The following PIK3CD variants were observed in gnomAD, a reference collection of about 807,000 sequenced individuals.
PIK3CD encodes the protein phosphatidylinositol-4,5-bisphosphate 3-kinase catalytic subunit delta, also known as phosphatidylinositol 4,5-bisphosphate 3-kinase catalytic subunit delta isoform.
In PIK3CD, 20 loss-of-function variants were observed where a neutral mutation model predicts 122.9. The observed-to-expected ratio is 0.16, with a 90% CI of 0.11 to 0.24. The LOEUF (loss-of-function observed/expected upper bound fraction) is 0.24. Among genes scored for constraint, PIK3CD ranks in the 10% least tolerant of loss-of-function variants. PIK3CD has a pLI of 1.00. For missense variants in PIK3CD, 787 were observed against 1,406.3 expected (o/e 0.56, Z 7.04); for synonymous variants, 596 against 593.4 (o/e 1.00, Z -0.06).
In PIK3CD at chr1:9,670,352, T is replaced by A. The variant is rs545907417; in HGVS notation, c.-138+18550T>A. On this transcript the variant is annotated intron_variant, in intron 1 of 23. Coordinates refer to ENST00000377346, the MANE Select transcript of PIK3CD (RefSeq NM_005026.5). ...GCTGTCATTTGGAAACCGGTGATGATGTGTGGTCTATTTGTAAATTGAGTG... is the reference window on the plus strand; with the variant it reads ...GCTGTCATTTGGAAACCGGTGATGAAGTGTGGTCTATTTGTAAATTGAGTG... Among the ~76,000 whole-genome samples the A allele has an allele frequency of 2.6e-5, 4 of 152,264 alleles. No homozygotes were observed. The South Asian group carries it at 8.3e-4, about 32-fold the overall frequency.
intron 1 of PIK3CD, among the ~76,000 whole-genome samples, chr1:9,690,351 C>T (rs1160065936): frequency 6.6e-6 from 1 of 152,216 alleles, no homozygotes; most frequent in African/African-American, 2.4e-5. Context: ...CTTCTCGGCT[C>T]CCTCTGCTTT....
At chr1:9,676,305 G>A (rs910908555) in intron 1 of PIK3CD, among the ~76,000 whole-genome samples, 1 of 152,136 alleles carries the variant, frequency 6.6e-6, no homozygotes, top group Non-Finnish European at 1.5e-5. Context: ...AAACTCCTGG[G>A]CTCAAGTGAT....
At chr1:9,696,494 G>T (rs1043103286) in intron 2 of PIK3CD, among the ~76,000 whole-genome samples, 1 of 151,698 alleles carries the variant, frequency 6.6e-6, no homozygotes, top group Non-Finnish European at 1.5e-5. Context: ...GCCCACACCT[G>T]TAATCCTAGC....
In PIK3CD at chr1:9,727,843, T is replaced by G. The variant is rs1365704364; in HGVS notation, c.*797T>G. The stretch of plus-strand genomic sequence containing the variant: ...TTTTTGAGATGGGGTCTTCCTCTGT[T>G]GCCCAGGCTGGAGTGCAGTGGTGCA... On this transcript the variant is annotated 3_prime_UTR_variant, in exon 24 of 24. Transcript: ENST00000377346. 1.1e-5 allele frequency: 2 copies of G among 181,174 alleles called. No homozygotes were observed. 11.2% of individuals were successfully genotyped at this position (181,174 alleles called of 1,614,324 possible).
chr1:9,718,763 A>G lies in PIK3CD; in HGVS notation c.1090A>G (p.Ser364Gly). Residue 364 changes from serine to glycine, a missense_variant, in exon 9 of 24, where the codon AGC (serine) becomes GGC (glycine). This residue lies in a region of PIK3CD where 592 missense variants were observed against 920.6 expected (regional missense o/e 0.64). Transcript: ENST00000377346. The surrounding 1 kb of genome is among the most constrained non-coding windows in gnomAD (Gnocchi z 7.2). ...CAAGACGGTGTCCAGCTCGGAGGTGAGCGTGTGCTCGGAGCCCGTGTGGAA... is the reference window on the plus strand; with the variant it reads ...CAAGACGGTGTCCAGCTCGGAGGTGGGCGTGTGCTCGGAGCCCGTGTGGAA... ...LCKTVSSSEVSVCSEPVWKQR... is the reference protein window; with the variant it reads ...LCKTVSSSEVGVCSEPVWKQR... 6.2e-7 allele frequency: 1 copy of G among 1,609,364 alleles called. No homozygotes were observed. The highest frequency in any genetic ancestry group is 1.1e-5 in the South Asian group (1 of 91,012).
chr1:9,642,003 A>G, the PIK3CD span, among the ~76,000 whole-genome samples: 4 of 152,280 alleles, frequency 2.6e-5, no homozygotes, highest in African/African-American at 9.6e-5. Flanking sequence ...CTTCACACAC[A>G]TTCACACCTA....
intron 1 of PIK3CD, chr1:9,654,682 C>T (rs927871896): frequency 5.7e-6 from 2 of 351,328 alleles, no homozygotes; most frequent in Non-Finnish European, 1.1e-5. Context: ...GCAGTTCCCG[C>T]CCTCCCTGAG....
chr1:9,662,908 C>G (rs7530311), intron 1 of PIK3CD, among the ~76,000 whole-genome samples: 1 of 152,060 alleles, frequency 6.6e-6, no homozygotes, highest in Non-Finnish European at 1.5e-5. Context: ...AGGCTGATCT[C>G]GAACTCCTGA....
chr1:9,635,272 C>G, the PIK3CD span, among the ~76,000 whole-genome samples: 2 of 122,500 alleles, frequency 1.6e-5, no homozygotes, highest in Non-Finnish European at 3.2e-5. Flanking sequence ...AAGACTCCAT[C>G]CTGAAAAAAA....
the PIK3CD span, among the ~76,000 whole-genome samples, chr1:9,645,945 T>G: frequency 6.6e-6 from 1 of 151,774 alleles, no homozygotes; most frequent in South Asian, 2.1e-4. Flanking sequence ...TTTTTATTTT[T>G]ATTTTTAGTA....
chr1:9,697,182 G>A (rs1209629682), intron 2 of PIK3CD, among the ~76,000 whole-genome samples: 1 of 151,752 alleles, frequency 6.6e-6, no homozygotes, highest in Non-Finnish European at 1.5e-5. Context: ...GACTAGCCTG[G>A]GCAACATAGC....
chr1:9,698,884 G>A (rs1370357279), intron 2 of PIK3CD, among the ~76,000 whole-genome samples: 1 of 152,040 alleles, frequency 6.6e-6, no homozygotes, highest in Non-Finnish European at 1.5e-5. Context: ...CAGCAGTAGA[G>A]GTCAGAAATC....
Position 9,724,955 on chromosome 1 carries a change from A to C in PIK3CD, c.2997+19A>C. The C allele has an allele frequency of 6.2e-7, 1 of 1,613,184 alleles. No homozygotes were observed. Among genetic ancestry groups the C allele is most frequent in the Non-Finnish European group, 8.5e-7 (1 of 1,179,986 alleles). On this transcript the variant is annotated intron_variant, in intron 23 of 23. Transcript: ENST00000377346. The surrounding 1 kb of genome is among the most constrained non-coding windows in gnomAD (Gnocchi z 7.3). ...TCTCAAGGTATGTGCCGGGCAGGAG[A>C]CTGCTGTCGCCAGTGGACTTCCAAG... is the stretch of plus-strand genomic sequence containing the variant.
At chr1:9,674,478 T>C (rs1645437639) in intron 1 of PIK3CD, among the ~76,000 whole-genome samples, 1 of 151,888 alleles carries the variant, frequency 6.6e-6, no homozygotes, top group South Asian at 2.1e-4. Context: ...TCAGGAGTTC[T>C]AGACTGGTCA....
At chr1:9,725,258 A>G (rs562498974) in intron 23 of PIK3CD, among the ~76,000 whole-genome samples, 12 of 152,280 alleles carry the variant, frequency 7.9e-5, no homozygotes, top group African/African-American at 2.6e-4. Flanking sequence ...TCTGCCTTCT[A>G]AAAGATATTT....
chr1:9,694,752 C>T (rs1240098091), intron 2 of PIK3CD, among the ~76,000 whole-genome samples: 1 of 152,098 alleles, frequency 6.6e-6, no homozygotes, highest in Admixed American at 6.6e-5. Flanking sequence ...CGCTTAAGCC[C>T]AGGAGTTCGA....
Position 9,715,773 on chromosome 1 carries a change from G to C in PIK3CD, c.370+4G>C. On this transcript the variant is annotated splice_donor_region_variant and intron_variant, in intron 4 of 23. Coordinates refer to ENST00000377346, the MANE Select transcript of PIK3CD (RefSeq NM_005026.5). This position sits in a 1 kb window ranked among gnomAD's most constrained non-coding sequence, Gnocchi z 4.1. Reference sequence around the variant, plus strand: ...ATCAGCCTCCTCATCGGCAAAGGTAGCTCTGCCGAGTGGGCCGTGTGGCCG... The same window carrying C: ...ATCAGCCTCCTCATCGGCAAAGGTACCTCTGCCGAGTGGGCCGTGTGGCCG... 1 of 1,612,846 alleles carries C rather than the reference G, an allele frequency of 6.2e-7. No individual in the cohort carries two copies. Among genetic ancestry groups the C allele is most frequent in the Non-Finnish European group, 8.5e-7 (1 of 1,179,766 alleles).
At position 9,710,469 on chromosome 1, in the gene PIK3CD, T is replaced by TG; in HGVS notation, c.16dup (p.Asp6GlyfsTer18). 6.2e-7 allele frequency: 1 copy of TG among 1,614,068 alleles called. No individual in the cohort carries two copies. The highest frequency in any genetic ancestry group is 8.5e-7 in the Non-Finnish European group (1 of 1,179,992). ...TAACAACGCAGGATGCCCCCTGGGG[T>TG]GGACTGCCCCATGGAATTCTGGACC... On this transcript the variant is annotated frameshift_variant, in exon 3 of 24. Coordinates refer to ENST00000377346, the MANE Select transcript of PIK3CD (RefSeq NM_005026.5). LOFTEE classifies it high-confidence loss of function. The surrounding 1 kb of genome is among the most constrained non-coding windows in gnomAD (Gnocchi z 4.7).
At chr1:9,670,817 G>GT (rs1232493604) in intron 1 of PIK3CD, among the ~76,000 whole-genome samples, 1 of 152,012 alleles carries the variant, frequency 6.6e-6, no homozygotes, top group Admixed American at 6.6e-5. Context: ...GAGTGCAGTG[G>GT]TGCGATCTTG....
Sources: allele counts gnomAD v4.1 joint callset (sites outside exome capture counted in the v4.1 genomes callset), GRCh38; gene constraint gnomAD v4.1.1; regional missense constraint gnomAD v4.1.1; non-coding constraint Gnocchi (gnomAD v3.1); transcripts MANE v1.5; gene names NCBI Gene and HGNC (gene_info 2026-07-23, HGNC 2026-07-21).